DPP10: variants seen among roughly 807,000 people sequenced by gnomAD.
DPP10 encodes the protein inactive dipeptidyl peptidase 10.
A neutral mutation model predicts 120.9 loss-of-function variants in DPP10; 33 were observed. The ratio of observed to expected loss-of-function variants is 0.27; its 90% CI spans 0.21 to 0.37. The LOEUF is 0.37. DPP10 is among the 10% of genes least tolerant of loss of function. DPP10 has a pLI of 1.00. For missense variants in DPP10, 816 were observed against 942.8 expected (o/e 0.87, Z 1.76); for synonymous variants, 337 against 326.1 (o/e 1.03, Z -0.36).
intron 1 of DPP10, among the ~76,000 whole-genome samples, chr2:114,504,850 G>C (rs772911836): frequency 6.6e-6 from 1 of 151,954 alleles, no homozygotes; most frequent in South Asian, 2.1e-4. Context: ...TCAGAAGTTC[G>C]AGACCAGACT....
intron 1 of DPP10, among the ~76,000 whole-genome samples, chr2:115,245,288 C>G (rs1037179038): frequency 6.6e-6 from 1 of 151,726 alleles, no homozygotes; most frequent in African/African-American, 2.4e-5. Context: ...ATTGCAAAAA[C>G]AAATAACCTC....
chr2:115,375,774 A>C (rs1166122377), intron 3 of DPP10, among the ~76,000 whole-genome samples: 1 of 152,162 alleles, frequency 6.6e-6, no homozygotes, highest in African/African-American at 2.4e-5. Flanking sequence ...ACGTCTTACC[A>C]TGGTGGAGTG....
Position 115,210,674 on chromosome 2 carries a change from G to A in DPP10, c.61-98565G>A, listed in dbSNP as rs1169969837. ...TTCCTATTTCTCCATATCCCCTCCA[G>A]CACCTGTTGTTTCCTGACTTTTTAA... On this transcript the variant is annotated intron_variant, in intron 1 of 25. Transcript: ENST00000410059. 3.0e-4 allele frequency among the ~76,000 whole-genome samples: 46 copies of A among 152,126 alleles called. 1 individual carries two copies. Among genetic ancestry groups the A allele is most frequent in the Admixed American group, 2.9e-3 (45 of 15,268 alleles).
Position 115,110,586 on chromosome 2 carries a change from TA to T in DPP10, c.61-198651del, listed in dbSNP as rs965831521. 1.9e-4 allele frequency among the ~76,000 whole-genome samples: 29 copies of T among 152,188 alleles called. 3 individuals carry two copies. Among genetic ancestry groups the T allele is most frequent in the African/African-American group, 7.0e-4 (29 of 41,550 alleles). On this transcript the variant is annotated intron_variant, in intron 1 of 25. Transcript: ENST00000410059. ...TTTTTGATGTGTGCTATTTATTTTT[TA>T]AGTTATATTTTAAATTAGAGAACTA...
intron 1 of DPP10, among the ~76,000 whole-genome samples, chr2:114,700,771 T>C (rs1426039532): frequency 6.6e-6 from 1 of 152,128 alleles, no homozygotes; most frequent in East Asian, 1.9e-4. Context: ...TTTTGTACCA[T>C]AAACGTCCCC....
At chr2:115,810,791 TC>T (rs1243529636) in intron 19 of DPP10, among the ~76,000 whole-genome samples, 3 of 152,074 alleles carry the variant, frequency 2.0e-5, no homozygotes, top group African/African-American at 7.2e-5. Context: ...TTACTGTGAA[TC>T]CCCAAAGATT....
intron 1 of DPP10, among the ~76,000 whole-genome samples, chr2:115,247,316 G>T (rs1007371632): frequency 6.6e-6 from 1 of 152,112 alleles, no homozygotes; most frequent in Non-Finnish European, 1.5e-5. Context: ...GTAAAAACTA[G>T]ATCATCCGTA....
At chr2:114,796,199 C>A (rs1683695433) in intron 1 of DPP10, among the ~76,000 whole-genome samples, 1 of 152,110 alleles carries the variant, frequency 6.6e-6, no homozygotes, top group Non-Finnish European at 1.5e-5. Flanking sequence ...CACCATGAGA[C>A]CCATGCAAAG....
chr2:115,448,565 A>G (rs1445327941), intron 3 of DPP10, among the ~76,000 whole-genome samples: 1 of 152,198 alleles, frequency 6.6e-6, no homozygotes, highest in East Asian at 1.9e-4. Context: ...AACTTGCTAT[A>G]TAAAGAAAAG....
chr2:114,782,844 G>GT (rs1357379261), intron 1 of DPP10, among the ~76,000 whole-genome samples: 1 of 152,068 alleles, frequency 6.6e-6, no homozygotes, highest in East Asian at 1.9e-4. Flanking sequence ...ACAGAGTGCA[G>GT]TGAAAAGAAC....
At chr2:114,954,590 G>C (rs1170663191) in intron 1 of DPP10, among the ~76,000 whole-genome samples, 3 of 151,978 alleles carry the variant, frequency 2.0e-5, no homozygotes, top group Non-Finnish European at 4.4e-5. Flanking sequence ...TCAGTAGAAG[G>C]AAGAAAATAA....
chr2:115,502,692 T>C (rs2076743976), intron 4 of DPP10, among the ~76,000 whole-genome samples: 1 of 152,050 alleles, frequency 6.6e-6, no homozygotes, highest in Non-Finnish European at 1.5e-5. Context: ...TAAAAATATG[T>C]ATCTTTTTTG....
At chr2:115,357,558 G>T (rs186238242) in intron 3 of DPP10, among the ~76,000 whole-genome samples, 104 of 152,286 alleles carry the variant, frequency 6.8e-4, no homozygotes, top group Non-Finnish European at 1.2e-3. Flanking sequence ...TGTTGTGTGT[G>T]CAGCTTTTCC....
At chr2:115,715,877 T>C (rs2149590690) in intron 7 of DPP10, among the ~76,000 whole-genome samples, 1 of 152,348 alleles carries the variant, frequency 6.6e-6, no homozygotes, top group East Asian at 1.9e-4. Context: ...AAAAATGCTA[T>C]TTTTCCAGGA....
At chr2:114,517,907 A>G (rs930956924) in intron 1 of DPP10, among the ~76,000 whole-genome samples, 4 of 152,126 alleles carry the variant, frequency 2.6e-5, no homozygotes, top group African/African-American at 9.7e-5. Context: ...TATATTGGGC[A>G]ATGTTTCTAT....
chr2:115,589,390 T>C (rs1455873628), intron 5 of DPP10, among the ~76,000 whole-genome samples: 1 of 152,196 alleles, frequency 6.6e-6, no homozygotes, highest in African/African-American at 2.4e-5. Context: ...TTTACCCAGG[T>C]GGACAATCAC....
intron 1 of DPP10, among the ~76,000 whole-genome samples, chr2:115,009,525 G>A (rs929667872): frequency 2.1e-4 from 31 of 151,036 alleles, no homozygotes; most frequent in Non-Finnish European, 2.7e-4. Context: ...CCATGTATAC[G>A]TATGTTACTA....
At chr2:114,842,101 A>G (rs925325709) in intron 1 of DPP10, among the ~76,000 whole-genome samples, 8 of 152,126 alleles carry the variant, frequency 5.3e-5, no homozygotes, top group Non-Finnish European at 1.0e-4. Context: ...TTCTAGGCAG[A>G]CTGAGACATA....
chr2:115,457,892 A>G (rs1322920157), intron 3 of DPP10, among the ~76,000 whole-genome samples: 2 of 152,152 alleles, frequency 1.3e-5, no homozygotes, highest in African/African-American at 2.4e-5. Context: ...ATATACTTAA[A>G]CACTGCAAAC....
Sources: allele counts gnomAD v4.1 joint callset (sites outside exome capture counted in the v4.1 genomes callset), GRCh38; gene constraint gnomAD v4.1.1; transcripts MANE v1.5; gene names NCBI Gene and HGNC (gene_info 2026-07-23, HGNC 2026-07-21).